The following RILPL2 variants were observed in gnomAD, a reference collection of about 807,000 sequenced individuals.
RILPL2 encodes RILP-like protein 2.
RILPL2 carries 19 observed loss-of-function variants against 22.2 expected under a neutral mutation model. The observed-to-expected ratio is 0.86, with a 90% CI of 0.60 to 1.25. The LOEUF (loss-of-function observed/expected upper bound fraction) is 1.25. Ranked by LOEUF, RILPL2 falls within the 50% of genes most tolerant of loss-of-function variation. The probability of loss-of-function intolerance (pLI) is 0.00; values close to 1 mark genes in which losing one functional copy is unlikely to be tolerated. For missense variants in RILPL2, 243 were observed against 263.6 expected, an observed-to-expected ratio of 0.92 and a Z score of 0.54; for synonymous variants, 123 against 111.6, an observed-to-expected ratio of 1.10 and a Z score of -0.64.
At chr12:123,418,076 A>G (rs1396407072) in intron 3 of RILPL2, among the ~76,000 whole-genome samples, 2 of 152,124 alleles carry the variant, frequency 1.3e-5, no homozygotes. Flanking sequence ...AACTACAGGC[A>G]CATACCCGGC....
intron 1 of RILPL2, among the ~76,000 whole-genome samples, chr12:123,433,349 T>C (rs2139254466): frequency 6.6e-6 from 1 of 152,320 alleles, no homozygotes; most frequent in South Asian, 2.1e-4. Context: ...TCCACCTGCC[T>C]TGGCCTCCCA....
At chr12:123,412,072 C>G (rs1878990138), downstream of RILPL2, 1 of 152,158 alleles carries the variant, frequency 6.6e-6, no homozygotes, top group African/African-American at 2.4e-5. Flanking sequence ...GTACCACAGC[C>G]ACCCAGGCCA....
At chr12:123,431,216 C>T (rs752451169) in intron 1 of RILPL2, among the ~76,000 whole-genome samples, 13 of 152,118 alleles carry the variant, frequency 8.5e-5, no homozygotes, top group Non-Finnish European at 1.5e-4. Flanking sequence ...GAATATTATT[C>T]GGCCTTCAAA....
chr12:123,431,181 GA>G (rs1879638044), intron 1 of RILPL2, among the ~76,000 whole-genome samples: 1 of 152,154 alleles, frequency 6.6e-6, no homozygotes, highest in Non-Finnish European at 1.5e-5. Flanking sequence ...AATAGATAAA[GA>G]AAGTATAGTA....
chr12:123,418,422 T>C (rs1035807253), intron 3 of RILPL2, among the ~76,000 whole-genome samples: 1 of 152,208 alleles, frequency 6.6e-6, no homozygotes, highest in Non-Finnish European at 1.5e-5. Flanking sequence ...TTTGTGATCA[T>C]AGCACATATA....
chr12:123,415,953 G>A (rs1439229958), intron 3 of RILPL2, 32 bp from the exon 4 acceptor site: 3 of 1,613,458 alleles, frequency 1.9e-6, no homozygotes, highest in Admixed American at 1.7e-5. Flanking sequence ...TTCAGGGTAA[G>A]CAGAAGGAAC....
At chr12:123,434,035 G>A (rs959418721) in intron 1 of RILPL2, among the ~76,000 whole-genome samples, 29 of 152,098 alleles carry the variant, frequency 1.9e-4, no homozygotes, top group African/African-American at 6.8e-4. Context: ...AAAAGACATC[G>A]TCCACTTACA....
chr12:123,426,952 C>T (rs1209168238), intron 2 of RILPL2, among the ~76,000 whole-genome samples: 15 of 150,566 alleles, frequency 1.0e-4, no homozygotes, highest in African/African-American at 3.2e-4. Flanking sequence ...GATCAGATCT[C>T]ACTGTGTTGC....
intron 2 of RILPL2, among the ~76,000 whole-genome samples, chr12:123,427,631 T>C (rs1475655228): frequency 2.0e-5 from 3 of 151,736 alleles, no homozygotes; most frequent in Non-Finnish European, 1.5e-5. Context: ...AACCTGCGCC[T>C]CCTGGGTACA....
At chr12:123,422,033 C>T (rs554455784) in intron 3 of RILPL2, among the ~76,000 whole-genome samples, 109 of 137,560 alleles carry the variant, frequency 7.9e-4, no homozygotes, top group African/African-American at 2.0e-3. Flanking sequence ...GATAGGGTCA[C>T]GCTCTGTTAC....
intron 3 of RILPL2, among the ~76,000 whole-genome samples, chr12:123,418,475 A>G (rs555575778): frequency 4.5e-4 from 68 of 151,606 alleles, no homozygotes; most frequent in African/African-American, 1.5e-3. Flanking sequence ...TTACCTGTTC[A>G]CTCTCTGACT....
chr12:123,429,516 C>T (rs112886821), intron 2 of RILPL2, among the ~76,000 whole-genome samples: 367 of 151,856 alleles, frequency 2.4e-3, no homozygotes, highest in African/African-American at 7.9e-3. Context: ...AGGCTGGTCT[C>T]GAACTCCTGA....
rs1353497018 is a variant in RILPL2, at chr12:123,430,547, T to C, written c.452A>G (p.Gln151Arg). 9.9e-6 allele frequency: 16 copies of C among 1,609,366 alleles called. 1 individual carries two copies. The South Asian group carries it at 1.8e-4, about 18-fold the overall frequency. The change falls in exon 2 of 4, where the codon CAG becomes CGG. Residue 151 changes from glutamine (Q) to arginine (R), a missense_variant. Physicochemically the swap from Gln to Arg is conservative, Grantham distance 43. Transcript: ENST00000280571. ...VLQERNKLKS[Q>R]LLVVQEELQC... is the part of the protein sequence containing the mutation. ...CAGCTCTTCCTGCACCACCAGGAGC[T>C]GCGACTTGAGTTTGTTGCGTTCCTG... is the stretch of plus-strand genomic sequence containing the variant.
chr12:123,423,134 C>A lies in RILPL2; in HGVS notation c.515G>T (p.Gly172Val). The change falls in exon 3 of 4, where the codon GGC becomes GTC. Residue 172 changes from glycine to valine, a missense_variant. Physicochemically the swap from Gly to Val is moderately radical, Grantham distance 109. Coordinates refer to ENST00000280571, the MANE Select transcript of RILPL2 (RefSeq NM_145058.3). ...ATCTTTTTCTCTTCTTCCTCCTGGG[C>A]CTTCTCTTGGTGGAATCAGGCCACT... is the stretch of plus-strand genomic sequence containing the variant. ...YKSGLIPPRE[G>V]PGGRREKDAV... 1 of 1,613,168 alleles carries A rather than the reference C, an allele frequency of 6.2e-7. No homozygotes were observed. The highest frequency in any genetic ancestry group is 1.7e-5 in the Admixed American group (1 of 59,940).
intron 3 of RILPL2, among the ~76,000 whole-genome samples, chr12:123,417,087 TCAGGAGTTC>T (rs1879137804): frequency 6.6e-6 from 1 of 151,896 alleles, no homozygotes; most frequent in Admixed American, 6.6e-5. Context: ...TTGCTTGAGC[TCAGGAGTTC>T]CAGACCAGCC....
In RILPL2 at chr12:123,424,331, A is replaced by ATTTT. The variant is rs56046247; in HGVS notation, c.492-1178_492-1175dup. Among the ~76,000 whole-genome samples the ATTTT allele has an allele frequency of 2.2e-3, 297 of 135,178 alleles. 13 individuals are homozygous for ATTTT. Among genetic ancestry groups the ATTTT allele is most frequent in the South Asian group, 5.6e-3 (24 of 4,248 alleles). The allele number at this position is 135,178 out of a possible 152,430, so 88.7% of individuals were successfully genotyped here. The stretch of plus-strand genomic sequence containing the variant: ...TAAGTCAGATGTTGATAAGAGTTAG[A>ATTTT]TTTTTTTTTTTTTTTTTTGAGACAG... On this transcript the variant is annotated intron_variant, in intron 2 of 3. Transcript: ENST00000280571.
chr12:123,426,658 T>G (rs2139244132), intron 2 of RILPL2, among the ~76,000 whole-genome samples: 1 of 152,284 alleles, frequency 6.6e-6, no homozygotes, highest in Non-Finnish European at 1.5e-5. Flanking sequence ...TGGAGTGCAG[T>G]GGCGCGATCT....
Position 123,430,600 on chromosome 12 carries a change from G to A in RILPL2, c.399C>T (p.Phe133=), listed in dbSNP as rs777483147. 1 of 1,612,384 alleles carries A rather than the reference G, an allele frequency of 6.2e-7. No individual in the cohort carries two copies. Among genetic ancestry groups the A allele is most frequent in the South Asian group, 1.1e-5 (1 of 90,978 alleles). ...GCACATCCCTTAGCTCCTGCAGAGT[G>A]AAGCGGGGTCGGTTGGGATCTGTCA... The part of the protein sequence containing the change: ...VDLTDPNRPR[F]TLQELRDVLQ... Residue 133 remains phenylalanine, a synonymous_variant, in exon 2 of 4, where the codon TTC becomes TTT. Transcript: ENST00000280571.
intron 3 of RILPL2, 65 bp downstream of exon 3, chr12:123,422,979 T>C: frequency 8.3e-7 from 1 of 1,204,178 alleles, no homozygotes; most frequent in East Asian, 2.3e-5. Flanking sequence ...CAGCCTCTTC[T>C]TGCCCCCGAC....
Sources: gnomAD v4.1 joint callset for allele counts (sites outside exome capture counted in the v4.1 genomes callset) on GRCh38, gnomAD v4.1.1 for gene constraint, MANE v1.5 for transcripts, NCBI Gene and HGNC (gene_info 2026-07-23, HGNC 2026-07-21) for gene names.